KDM4C: variants seen among roughly 807,000 people sequenced by gnomAD.
The protein encoded by KDM4C is lysine demethylase 4C, also known as lysine-specific demethylase 4C.
KDM4C carries 81 observed loss-of-function variants against 129.3 expected under a neutral mutation model. The observed-to-expected ratio is 0.63, with a 90% CI of 0.52 to 0.75. KDM4C has a LOEUF of 0.75. Among genes scored for constraint, KDM4C ranks in the 30% least tolerant of loss-of-function variants. The pLI, the probability that KDM4C is intolerant of heterozygous loss-of-function variation, is 0.00. For missense variants in KDM4C, 1,457 were observed against 1,304.0 expected (o/e 1.12, Z -1.81); for synonymous variants, 573 against 456.1 (o/e 1.26, Z -3.26).
chr9:6,835,494 G>A (rs757511447), intron 4 of KDM4C: 27 of 1,505,984 alleles, frequency 1.8e-5, no homozygotes, highest in Non-Finnish European at 2.4e-5. Context: ...TCCTGGCCTC[G>A]CTGTCCACCT....
intron 21 of KDM4C, among the ~76,000 whole-genome samples, chr9:7,172,512 C>G (rs190215109): frequency 6.6e-6 from 1 of 152,334 alleles, no homozygotes; most frequent in East Asian, 1.9e-4. Context: ...TGAAAGATTA[C>G]TCAGAGGAAG....
chr9:6,848,328 G>T (rs906328163), intron 4 of KDM4C, among the ~76,000 whole-genome samples: 50 of 152,168 alleles, frequency 3.3e-4, no homozygotes, highest in African/African-American at 1.1e-3. Flanking sequence ...TGGTAAAAAT[G>T]CATAGTTTGT....
intron 8 of KDM4C, among the ~76,000 whole-genome samples, chr9:6,901,949 A>C (rs1817482978): frequency 1.3e-5 from 2 of 152,218 alleles, no homozygotes; most frequent in Non-Finnish European, 2.9e-5. Flanking sequence ...CACCAAAATC[A>C]GTAGGATTAG....
chr9:6,748,880 C>CCA, intron 1 of KDM4C: 1 of 988,434 alleles, frequency 1.0e-6, no homozygotes, highest in Non-Finnish European at 1.6e-6. Context: ...GCTCATAGAG[C>CCA]CACACCTGAA....
intron 8 of KDM4C, among the ~76,000 whole-genome samples, chr9:6,926,439 G>C (rs1031965313): frequency 1.0e-4 from 15 of 150,080 alleles, no homozygotes; most frequent in African/African-American, 3.4e-4. Context: ...TCATTTTTTT[G>C]CTCTGAAAAT....
chr9:7,167,271 G>A (rs1432366556), intron 20 of KDM4C, among the ~76,000 whole-genome samples: 1 of 152,118 alleles, frequency 6.6e-6, no homozygotes, highest in Non-Finnish European at 1.5e-5. Context: ...CTGCTTGCCT[G>A]GGACCATCCC....
intron 1 of KDM4C, among the ~76,000 whole-genome samples, chr9:6,741,468 C>T (rs13286776): frequency 0.085 from 12,956 of 152,060 alleles, 707 homozygotes; most frequent in Non-Finnish European, 0.12. Flanking sequence ...GCTATTTACT[C>T]GGGTATTTAG....
chr9:7,034,428 CA>C (rs1827291514), intron 15 of KDM4C, among the ~76,000 whole-genome samples: 1 of 152,234 alleles, frequency 6.6e-6, no homozygotes, highest in Non-Finnish European at 1.5e-5. Flanking sequence ...CTTGTTTCAG[CA>C]TCCACATATG....
intron 2 of KDM4C, among the ~76,000 whole-genome samples, chr9:6,799,957 T>G (rs1358134128): frequency 2.0e-5 from 3 of 151,996 alleles, no homozygotes; most frequent in Non-Finnish European, 4.4e-5. Flanking sequence ...GCATGGTGGC[T>G]CACGCCTGTA....
At chr9:6,825,636 C>G (rs1268387117) in intron 4 of KDM4C, among the ~76,000 whole-genome samples, 1 of 152,158 alleles carries the variant, frequency 6.6e-6, no homozygotes, top group Non-Finnish European at 1.5e-5. Context: ...AGCATGTGAA[C>G]TCATGTCTCT....
intron 8 of KDM4C, among the ~76,000 whole-genome samples, chr9:6,895,530 G>A (rs150956097): frequency 6.6e-5 from 10 of 152,276 alleles, no homozygotes; most frequent in Non-Finnish European, 1.3e-4. Flanking sequence ...TTAGGATGAG[G>A]ACATCTTTGT....
At position 6,743,285 on chromosome 9, in the gene KDM4C, C is replaced by T. The variant is rs538646539; in HGVS notation, c.49+22288C>T. Among the ~76,000 whole-genome samples the T allele has an allele frequency of 3.3e-5, 5 of 152,252 alleles. No homozygotes were observed. The East Asian group carries it at 7.7e-4, about 24-fold the overall frequency. On this transcript the variant is annotated intron_variant, in intron 1 of 17. Transcript: ENST00000536108. ...CCCCTTCAACGACATCACTGAGGCA[C>T]TTCGTTCAAGCAAAATTACATCTAC...
chr9:6,852,377 T>A (rs1233789495), intron 5 of KDM4C, among the ~76,000 whole-genome samples: 1 of 152,166 alleles, frequency 6.6e-6, no homozygotes, highest in Non-Finnish European at 1.5e-5. Flanking sequence ...GGCAAATAAC[T>A]CTGCTTGTCT....
intron 8 of KDM4C, among the ~76,000 whole-genome samples, chr9:6,933,468 T>G (rs902497776): frequency 6.6e-6 from 1 of 152,204 alleles, no homozygotes; most frequent in Admixed American, 6.5e-5. Flanking sequence ...AGGGTCAACT[T>G]TCCTTTTGGA....
chr9:7,157,778 G>GC (rs1554765689), intron 19 of KDM4C, among the ~76,000 whole-genome samples: 2 of 152,102 alleles, frequency 1.3e-5, no homozygotes, highest in Non-Finnish European at 2.9e-5. Context: ...GAGGATTTTT[G>GC]CATCAGTGCT....
chr9:6,756,527 G>T (rs1399168318), upstream of KDM4C, among the ~76,000 whole-genome samples: 1 of 152,220 alleles, frequency 6.6e-6, no homozygotes, highest in East Asian at 1.9e-4. Flanking sequence ...GACCAGCCTG[G>T]CCAACATGGC....
At chr9:6,734,292 T>TTC (rs1259266121) in intron 1 of KDM4C, among the ~76,000 whole-genome samples, 2 of 144,972 alleles carry the variant, frequency 1.4e-5, no homozygotes, top group African/African-American at 5.4e-5. Context: ...TGTTTGGTTT[T>TTC]TTTTTTTTTT....
intron 17 of KDM4C, among the ~76,000 whole-genome samples, chr9:7,068,854 G>A (rs7866381): frequency 0.14 from 21,822 of 151,584 alleles, 1,889 homozygotes; most frequent in East Asian, 0.24. Flanking sequence ...GCACCACCAC[G>A]CCCAGCTAGT....
At chr9:7,135,449 A>G (rs1841098281) in intron 19 of KDM4C, among the ~76,000 whole-genome samples, 1 of 152,154 alleles carries the variant, frequency 6.6e-6, no homozygotes, top group Non-Finnish European at 1.5e-5. Context: ...ACTACCTTGA[A>G]CTTGAGAGCA....
Sources: gnomAD v4.1 joint callset for allele counts (sites outside exome capture counted in the v4.1 genomes callset) on GRCh38, gnomAD v4.1.1 for gene constraint, MANE v1.5 for transcripts, NCBI Gene and HGNC (gene_info 2026-07-23, HGNC 2026-07-21) for gene names.